The following PITPNC1 variants were observed in gnomAD, a reference collection of about 807,000 sequenced individuals.
PITPNC1 encodes the protein phosphatidylinositol transfer protein cytoplasmic 1.
Under a neutral mutation model 44.7 loss-of-function variants are expected in PITPNC1, and 18 were observed. The ratio of observed to expected loss-of-function variants is 0.40; its 90% confidence interval spans 0.28 to 0.60. The LOEUF (loss-of-function observed/expected upper bound fraction) is 0.60, where lower values mean the gene tolerates loss of function less well. PITPNC1 is among the 20% of genes least tolerant of loss of function. The probability of loss-of-function intolerance (pLI) is 0.39; values close to 1 mark genes in which losing one functional copy is unlikely to be tolerated. For missense variants in PITPNC1, 290 were observed against 418.4 expected (o/e 0.69, Z 2.68); for synonymous variants, 141 against 149.6 (o/e 0.94, Z 0.42).
chr17:67,457,002 C>T (rs2039262936), intron 1 of PITPNC1: 1 of 150,630 alleles, frequency 6.6e-6, no homozygotes, highest in Non-Finnish European at 1.5e-5. Flanking sequence ...ACTTCTCAAC[C>T]CTCTTTTTTC....
chr17:67,683,162 CAAAAAAAAAAAAA>C (rs901577194), intron 8 of PITPNC1, among the ~76,000 whole-genome samples: 13 of 41,530 alleles, frequency 3.1e-4, no homozygotes, highest in Non-Finnish European at 7.0e-4. Context: ...AACTGAGTCT[CAAAAAAAAAAAAA>C]AAAAAAAAAA....
At chr17:67,430,554 G>A (rs1472487847) in intron 1 of PITPNC1, among the ~76,000 whole-genome samples, 1 of 151,984 alleles carries the variant, frequency 6.6e-6, no homozygotes, top group Non-Finnish European at 1.5e-5. Context: ...TAATCCCAGT[G>A]CTCTAGGAGG....
rs1158082323 is a variant in PITPNC1 at position 67,696,448 on chromosome 17, G to A, written c.*3560G>A. The A allele has an allele frequency of 1.3e-5, 2 of 152,194 alleles. No individual in the cohort carries two copies. The highest frequency in any genetic ancestry group is 2.4e-5 in the African/African-American group (1 of 41,454). The allele number at this position is 152,194 out of a possible 1,614,324, so 9.4% of individuals were successfully genotyped here. A position where few individuals can be genotyped will look rare whatever the true frequency, so the allele number is the denominator to read the frequency against. On this transcript the variant is annotated 3_prime_UTR_variant, in exon 9 of 9. Coordinates refer to ENST00000581322, the MANE Select transcript of PITPNC1 (RefSeq NM_012417.4). ...TCTTAAGAAGGGCCAGTGTATAGCT[G>A]ACTCTACATATAATGTGTAATCAGA...
chr17:67,591,781 C>T (rs948775440), intron 5 of PITPNC1, among the ~76,000 whole-genome samples: 1 of 152,058 alleles, frequency 6.6e-6, no homozygotes, highest in African/African-American at 2.4e-5. Flanking sequence ...ACCATCACGG[C>T]GTACTGCAGC....
chr17:67,552,805 C>CAAAA (rs10601654), intron 3 of PITPNC1, among the ~76,000 whole-genome samples: 1 of 63,464 alleles, frequency 1.6e-5, no homozygotes, highest in African/African-American at 5.0e-5. Flanking sequence ...GAGACTCCGT[C>CAAAA]AAAAAAAAAA....
At chr17:67,636,971 C>G (rs1018696809) in intron 6 of PITPNC1, among the ~76,000 whole-genome samples, 1 of 152,224 alleles carries the variant, frequency 6.6e-6, no homozygotes, top group Admixed American at 6.5e-5. Context: ...AGGACTCCCC[C>G]TTTCTGAGTT....
At chr17:67,459,113 C>CTTTTTTT (rs886333854) in intron 1 of PITPNC1, among the ~76,000 whole-genome samples, 322 of 95,676 alleles carry the variant, frequency 3.4e-3, no homozygotes, top group Middle Eastern at 6.8e-3. Context: ...TTTTCTTTTT[C>CTTTTTTT]TTTTTTTTTT....
At chr17:67,412,846 G>A (rs914407744) in intron 1 of PITPNC1, among the ~76,000 whole-genome samples, 5 of 152,342 alleles carry the variant, frequency 3.3e-5, no homozygotes, top group East Asian at 1.9e-4. Flanking sequence ...GATTACAGGC[G>A]TGAGCCACCG....
intron 1 of PITPNC1, among the ~76,000 whole-genome samples, chr17:67,410,051 G>A (rs1227602230): frequency 1.3e-5 from 2 of 152,150 alleles, no homozygotes; most frequent in East Asian, 1.9e-4. Context: ...TCTCCAAAGC[G>A]ATTGTCATAC....
intron 6 of PITPNC1, among the ~76,000 whole-genome samples, chr17:67,636,911 T>C (rs1400824394): frequency 6.6e-6 from 1 of 152,198 alleles, no homozygotes; most frequent in Non-Finnish European, 1.5e-5. Context: ...TCTGACCTTG[T>C]TCTTTGCTTG....
At chr17:67,596,859 T>G (rs754848321) in intron 5 of PITPNC1, among the ~76,000 whole-genome samples, 1 of 152,068 alleles carries the variant, frequency 6.6e-6, no homozygotes, top group Non-Finnish European at 1.5e-5. Flanking sequence ...TATACTCCCT[T>G]GGGTTTGTTT....
intron 1 of PITPNC1, among the ~76,000 whole-genome samples, chr17:67,482,043 G>A (rs1338898146): frequency 6.6e-6 from 1 of 152,082 alleles, no homozygotes; most frequent in Admixed American, 6.6e-5. Flanking sequence ...GACATTTTAG[G>A]GTAGCGTGAC....
intron 1 of PITPNC1, among the ~76,000 whole-genome samples, chr17:67,465,313 G>C (rs765221789): frequency 2.6e-5 from 4 of 152,208 alleles, no homozygotes; most frequent in Non-Finnish European, 5.9e-5. Flanking sequence ...AATAGAATGT[G>C]TGTTGGGAGA....
chr17:67,533,298 G>T (rs1034264897), intron 2 of PITPNC1, among the ~76,000 whole-genome samples: 2 of 152,112 alleles, frequency 1.3e-5, no homozygotes, highest in African/African-American at 4.8e-5. Context: ...TAAACGAAAT[G>T]AATCTCCCCC....
intron 8 of PITPNC1, among the ~76,000 whole-genome samples, chr17:67,685,573 C>G (rs1424493161): frequency 6.6e-6 from 1 of 150,506 alleles, no homozygotes; most frequent in Non-Finnish European, 1.5e-5. Context: ...CCCACTAAGC[C>G]AATTAGTGGT....
intron 1 of PITPNC1, among the ~76,000 whole-genome samples, chr17:67,423,892 G>A (rs953869921): frequency 1.3e-5 from 2 of 152,036 alleles, no homozygotes; most frequent in South Asian, 2.1e-4. Context: ...CTGAAACTTC[G>A]GGATCAGTTT....
At chr17:67,397,716 A>T (rs543137798) in intron 1 of PITPNC1, among the ~76,000 whole-genome samples, 1 of 152,106 alleles carries the variant, frequency 6.6e-6, no homozygotes, top group Non-Finnish European at 1.5e-5. Context: ...CCCATCTCCA[A>T]TCAGGATGTT....
At chr17:67,498,010 G>A (rs927219186) in intron 1 of PITPNC1, among the ~76,000 whole-genome samples, 10 of 151,636 alleles carry the variant, frequency 6.6e-5, no homozygotes, top group Non-Finnish European at 1.2e-4. Context: ...ACAGGCATGC[G>A]CCACCAGGCC....
At chr17:67,457,239 T>C (rs1435528622) in intron 1 of PITPNC1, 1 of 152,224 alleles carries the variant, frequency 6.6e-6, no homozygotes, top group African/African-American at 2.4e-5. Flanking sequence ...CGATCCTCCC[T>C]CCTCAGCCTC....
Sources: allele counts gnomAD v4.1 joint callset (sites outside exome capture counted in the v4.1 genomes callset), GRCh38; gene constraint gnomAD v4.1.1; transcripts MANE v1.5; gene names NCBI Gene and HGNC (gene_info 2026-07-23, HGNC 2026-07-21).